PDE2A: variants seen among roughly 807,000 people sequenced by gnomAD.
The protein encoded by PDE2A is cGMP-dependent 3',5'-cyclic phosphodiesterase.
In PDE2A, 53 loss-of-function variants were observed where a neutral mutation model predicts 133.6. The ratio of observed to expected loss-of-function variants is 0.40; its 90% CI spans 0.32 to 0.50. The LOEUF (loss-of-function observed/expected upper bound fraction) is 0.50, where lower values mean the gene tolerates loss of function less well. Ranked by LOEUF, PDE2A falls within the 20% of genes least tolerant of loss-of-function variation. PDE2A has a pLI of 0.73. For missense variants in PDE2A, 796 were observed against 1,232.4 expected, an observed-to-expected ratio of 0.65 and a Z score of 5.30; for synonymous variants, 491 against 490.2, an observed-to-expected ratio of 1.00 and a Z score of -0.02.
intron 4 of PDE2A, among the ~76,000 whole-genome samples, chr11:72,604,096 C>T (rs1042582639): frequency 6.6e-6 from 1 of 152,356 alleles, no homozygotes; most frequent in South Asian, 2.1e-4. Flanking sequence ...TGGGACATCC[C>T]CACTGGTGCC....
In PDE2A at chr11:72,605,978, C is replaced by T. The variant is rs796408890; in HGVS notation, c.235-752G>A. Among the ~76,000 whole-genome samples, 8 of 152,014 alleles carry T rather than the reference C, an allele frequency of 5.3e-5. No homozygotes were observed. The East Asian group carries it at 1.4e-3, about 26-fold the overall frequency. Reference sequence around the variant, plus strand: ...GGGCTGAGTGGGATGGGCTTACGAACAGAACTGGGGCAGGGCAGGACGTGC... The same window carrying T: ...GGGCTGAGTGGGATGGGCTTACGAATAGAACTGGGGCAGGGCAGGACGTGC... On this transcript the variant is annotated intron_variant, in intron 3 of 30. Coordinates refer to ENST00000334456, the MANE Select transcript of PDE2A (RefSeq NM_002599.5).
At chr11:72,670,002 A>C (rs1259713780) in intron 1 of PDE2A, among the ~76,000 whole-genome samples, 2 of 152,074 alleles carry the variant, frequency 1.3e-5, no homozygotes, top group Admixed American at 6.5e-5. Context: ...GTCTAGGCTC[A>C]ATTCCCCACT....
rs114724608 is a variant in PDE2A, at chr11:72,652,888, C to A, written c.72-10562G>T. 1.3e-3 allele frequency among the ~76,000 whole-genome samples: 193 copies of A among 152,308 alleles called. 1 individual carries two copies. The highest frequency in any genetic ancestry group is 5.0e-3 in the Admixed American group (77 of 15,302). On this transcript the variant is annotated intron_variant, in intron 1 of 30. Transcript: ENST00000334456. ...GAGCAACTCCTCCCAGCCCAGCAGTCCCCCCAGCTCCAGAAGGCAGAGACC... is the reference window on the plus strand; with the variant it reads ...GAGCAACTCCTCCCAGCCCAGCAGTACCCCCAGCTCCAGAAGGCAGAGACC...
At position 72,622,229 on chromosome 11, in the gene PDE2A, T is replaced by C. The variant is rs370005966; in HGVS notation, c.145-13478A>G. On this transcript the variant is annotated intron_variant, in intron 2 of 30. Transcript: ENST00000334456. ...AGAAAATAACACATGTTGGCAAGGATGTGGAGAAACTGAAACCCCTGTACA... is the reference window on the plus strand; with the variant it reads ...AGAAAATAACACATGTTGGCAAGGACGTGGAGAAACTGAAACCCCTGTACA... 5.1e-4 allele frequency among the ~76,000 whole-genome samples: 77 copies of C among 152,122 alleles called. No individual in the cohort carries two copies. In the South Asian group the frequency reaches 0.015, roughly 30 times the overall value.
chr11:72,631,006 C>T, intron 2 of PDE2A: 1 of 1,267,810 alleles, frequency 7.9e-7, no homozygotes, highest in Non-Finnish European at 1.1e-6. Flanking sequence ...GGGAGGGCAC[C>T]ACTCAGACTG....
At chr11:72,595,496 C>A (rs1399124320) in intron 6 of PDE2A, among the ~76,000 whole-genome samples, 2 of 152,106 alleles carry the variant, frequency 1.3e-5, no homozygotes, top group Non-Finnish European at 2.9e-5. Flanking sequence ...GCAGAGGAGA[C>A]CCAGCCAAGT....
intron 1 of PDE2A, among the ~76,000 whole-genome samples, chr11:72,661,558 G>T (rs1239662331): frequency 2.0e-5 from 3 of 152,210 alleles, no homozygotes; most frequent in African/African-American, 7.2e-5. Context: ...GCACTCCAAG[G>T]CTGGGGAGTA....
intron 2 of PDE2A, among the ~76,000 whole-genome samples, chr11:72,612,294 C>G (rs138411670): frequency 4.2e-4 from 63 of 151,128 alleles, no homozygotes; most frequent in Middle Eastern, 3.4e-3. Context: ...CACACACACA[C>G]ACACACACAC....
At chr11:72,585,704 C>G (rs545495845) in intron 14 of PDE2A, 111 bp from the exon 15 acceptor site, 1 of 885,730 alleles carries the variant, frequency 1.1e-6, no homozygotes, top group African/African-American at 1.7e-5. Context: ...CTAGGGCTCA[C>G]TGGACAAGCC....
intron 2 of PDE2A, among the ~76,000 whole-genome samples, chr11:72,636,511 C>T (rs996605215): frequency 6.6e-6 from 1 of 152,160 alleles, no homozygotes; most frequent in Non-Finnish European, 1.5e-5. Context: ...AATCTCAAAG[C>T]TCATGATCTC....
Position 72,668,160 on chromosome 11 carries a change from C to T in PDE2A, c.71+5977G>A, listed in dbSNP as rs1288535245. The T allele has an allele frequency of 4.3e-6, 3 of 699,376 alleles. No individual in the cohort carries two copies. The East Asian group carries it at 8.1e-5, about 19-fold the overall frequency. 43.3% of individuals were successfully genotyped at this position (699,376 alleles called of 1,614,324 possible). A position where few individuals can be genotyped will look rare whatever the true frequency, so the allele number is the denominator to read the frequency against. On this transcript the variant is annotated intron_variant, in intron 1 of 30. Transcript: ENST00000334456. ...AGCAGCTCTCTGCTCAGCTGTTCCTCTGCCGAGATGTCTCACATCCAACTT... is the reference window on the plus strand; with the variant it reads ...AGCAGCTCTCTGCTCAGCTGTTCCTTTGCCGAGATGTCTCACATCCAACTT...
rs1323416664 is a variant in PDE2A, at chr11:72,642,292, G to A, written c.106C>T (p.Pro36Ser). Reference protein sequence around the residue: ...GQQVFLKPDEPPPPPQPCADS... With the variant: ...GQQVFLKPDESPPPPQPCADS... ...GCGCATGGCTGCGGCGGCGGCGGCG[G>A]CTCGTCCGGCTTGAGGAAGACCTGC... The change falls in exon 2 of 31, where the codon CCG becomes TCG. Residue 36 changes from proline (P) to serine (S), a missense_variant. This residue lies in a region of PDE2A where 417 missense variants were observed against 475.3 expected (regional missense o/e 0.88). Transcript: ENST00000334456. 2 of 1,522,702 alleles carry A rather than the reference G, an allele frequency of 1.3e-6. No homozygotes were observed. The highest frequency in any genetic ancestry group is 1.8e-6 in the Non-Finnish European group (2 of 1,137,672). 94.3% of individuals were successfully genotyped at this position (1,522,702 alleles called of 1,614,324 possible). A position where few individuals can be genotyped will look rare whatever the true frequency, so the allele number is the denominator to read the frequency against.
intron 4 of PDE2A, chr11:72,598,524 A>G: frequency 7.8e-7 from 1 of 1,289,136 alleles, no homozygotes; most frequent in South Asian, 1.2e-5. Context: ...TTTGCACCAA[A>G]TGTCACTCCT....
At chr11:72,601,429 C>T (rs756088622) in intron 4 of PDE2A, among the ~76,000 whole-genome samples, 4 of 146,436 alleles carry the variant, frequency 2.7e-5, no homozygotes, top group Non-Finnish European at 6.0e-5. Context: ...GGGAGCAGAC[C>T]GTTCCCGGTG....
At position 72,586,187 on chromosome 11, in the gene PDE2A, G is replaced by A. The variant is rs761109039; in HGVS notation, c.1071-6C>T. ...GCTCGTCCTCGTCGGTGAACCTGGA[G>A]GAGGGGGTGGGCTCACTCAGGAGGG... On this transcript the variant is annotated splice_polypyrimidine_tract_variant and splice_region_variant and intron_variant, in intron 13 of 30. Coordinates refer to ENST00000334456, the MANE Select transcript of PDE2A (RefSeq NM_002599.5). 2.6e-6 allele frequency: 4 copies of A among 1,548,866 alleles called. No individual in the cohort carries two copies. The highest frequency in any genetic ancestry group is 3.6e-6 in the Non-Finnish European group (4 of 1,123,740).
intron 2 of PDE2A, among the ~76,000 whole-genome samples, chr11:72,615,991 G>A (rs754133718): frequency 3.3e-5 from 5 of 152,150 alleles, no homozygotes; most frequent in Non-Finnish European, 4.4e-5. Context: ...TCTGAGTTTG[G>A]TGACCCTGAA....
intron 1 of PDE2A, among the ~76,000 whole-genome samples, chr11:72,660,676 C>T (rs1017174116): frequency 2.6e-5 from 4 of 152,136 alleles, no homozygotes; most frequent in African/African-American, 9.7e-5. Context: ...AAGAGACAGT[C>T]CTCAAGGCTT....
At chr11:72,583,692 C>CT in intron 19 of PDE2A, 177 bp from the exon 20 acceptor site, 1 of 603,994 alleles carries the variant, frequency 1.7e-6, no homozygotes, top group Non-Finnish European at 3.0e-6. Flanking sequence ...TCATCCAGAC[C>CT]CCGCGCCGGT....
intron 30 of PDE2A, 24 bp from the exon 31 acceptor site, chr11:72,577,618 G>C (rs752729211): frequency 6.4e-7 from 1 of 1,556,326 alleles, no homozygotes; most frequent in Non-Finnish European, 8.8e-7. Context: ...GGGGGCAGAG[G>C]GCGAGAGGCC....
Sources: gnomAD v4.1 joint callset for allele counts (sites outside exome capture counted in the v4.1 genomes callset) on GRCh38, gnomAD v4.1.1 for gene constraint, gnomAD v4.1.1 regional missense constraint, MANE v1.5 for transcripts, NCBI Gene and HGNC (gene_info 2026-07-23, HGNC 2026-07-21) for gene names.